The following SMIM27 variants were observed in gnomAD, a reference collection of about 807,000 sequenced individuals.
SMIM27 encodes the protein transition zone microprotein 1.
A neutral mutation model predicts 1.8 loss-of-function variants in SMIM27; 3 were observed. That is an observed-to-expected ratio of 1.65 (90% CI 0.75 to 4.28). The LOEUF (loss-of-function observed/expected upper bound fraction) is 4.28, where lower values mean the gene tolerates loss of function less well. Among genes scored for constraint, SMIM27 ranks in the 30% most tolerant of loss-of-function variants. The pLI, the probability that SMIM27 is intolerant of heterozygous loss-of-function variation, is 0.02. For synonymous variants in SMIM27, 19 were observed against 13.9 expected, an observed-to-expected ratio of 1.37 and a Z score of -0.82; for missense variants, 63 against 37.0, an observed-to-expected ratio of 1.70 and a Z score of -1.83.
downstream of SMIM27, among the ~76,000 whole-genome samples, chr9:32,556,845 A>AC (rs1821469194): frequency 1.1e-5 from 1 of 94,760 alleles, no homozygotes; most frequent in Admixed American, 1.2e-4. Context: ...GAAATCCCCT[A>AC]CTTTTTTTTT....
At chr9:32,561,727 G>C (rs929282213) in intron 1 of SMIM27, among the ~76,000 whole-genome samples, 2 of 152,138 alleles carry the variant, frequency 1.3e-5, no homozygotes, top group Non-Finnish European at 2.9e-5. Context: ...AAATGACTGT[G>C]AACTTTGGTT....
exon 2 of SMIM27, chr9:32,566,772 A>T: frequency 1.1e-6 from 1 of 909,840 alleles, no homozygotes; most frequent in Admixed American, 1.7e-5. Flanking sequence ...GTCGGCTGCG[A>T]CGTTCTGGCT....
chr9:32,566,687 G>GT, exon 2 of SMIM27: 2 of 822,996 alleles, frequency 2.4e-6, no homozygotes, highest in Non-Finnish European at 2.2e-6. Flanking sequence ...TTTCACAGCT[G>GT]TATCTCAGAT....
chr9:32,552,753 G>T (rs1036246891), intron 1 of SMIM27, 48 bp from the exon 2 acceptor site: 10 of 685,768 alleles, frequency 1.5e-5, no homozygotes, highest in Non-Finnish European at 2.7e-5. Context: ...CGGGGGCGAG[G>T]GGAAATATCA....
chr9:32,551,719 G>C (rs1821266859), upstream of SMIM27: 2 of 404,850 alleles, frequency 4.9e-6, no homozygotes, highest in South Asian at 3.4e-5. Flanking sequence ...AAACTGCCGT[G>C]CTCGGGGCTT....
rs1442670318 is a variant in SMIM27, at chr9:32,552,655, G to T, written c.46-146G>T. 8 of 665,272 alleles carry T rather than the reference G, an allele frequency of 1.2e-5. No individual in the cohort carries two copies. The Admixed American group carries it at 1.3e-4, about 11-fold the overall frequency. The allele number at this position is 665,272 out of a possible 1,614,324, so 41.2% of individuals were successfully genotyped here. On this transcript the variant is annotated intron_variant, in intron 1 of 1. Coordinates refer to ENST00000692500, the MANE Select transcript of SMIM27 (RefSeq NM_001387564.1). ...ATACGATCTTCCGCTTCTTACGTAA[G>T]GGCTGCTGGGTGTACCCGCCACTGG...
chr9:32,552,174 C>CAA (rs35415231), upstream of SMIM27: 197 of 496,268 alleles, frequency 4.0e-4, no homozygotes, highest in African/African-American at 1.3e-3. Flanking sequence ...CCTTAGTTGG[C>CAA]AAAAAAAAAA....
chr9:32,556,225 C>T (rs67470713), downstream of SMIM27, among the ~76,000 whole-genome samples: 15,362 of 152,204 alleles, frequency 0.1, 1,004 homozygotes, highest in Middle Eastern at 0.28. Flanking sequence ...ACTCCATGAA[C>T]AGGGGTCTGG....
At chr9:32,560,313 A>C (rs1380537786) in intron 1 of SMIM27, among the ~76,000 whole-genome samples, 2 of 152,204 alleles carry the variant, frequency 1.3e-5, no homozygotes, top group African/African-American at 4.8e-5. Context: ...GAACCCTCAG[A>C]TAAGCAACCA....
chr9:32,559,569 G>A (rs758077854), intron 1 of SMIM27, among the ~76,000 whole-genome samples: 12 of 152,168 alleles, frequency 7.9e-5, no homozygotes, highest in Non-Finnish European at 1.8e-4. Flanking sequence ...AGTCAAGCCT[G>A]CTTGTGCCTC....
chr9:32,556,856 T>C (rs982884819), downstream of SMIM27, among the ~76,000 whole-genome samples: 1 of 141,310 alleles, frequency 7.1e-6, no homozygotes, highest in African/African-American at 2.6e-5. Context: ...CTTTTTTTTT[T>C]TTTTTTTTTT....
downstream of SMIM27, among the ~76,000 whole-genome samples, chr9:32,557,150 G>A (rs1004277922): frequency 1.4e-5 from 2 of 138,454 alleles, no homozygotes; most frequent in South Asian, 2.3e-4. Flanking sequence ...TAGCCACCGC[G>A]CCTGGCCCCC....
downstream of SMIM27, among the ~76,000 whole-genome samples, chr9:32,556,811 A>G (rs909532991): frequency 2.0e-5 from 3 of 150,156 alleles, no homozygotes; most frequent in Admixed American, 1.3e-4. Context: ...ACACACATCA[A>G]TGTTACACAA....
chr9:32,557,242 G>A (rs1184319110), downstream of SMIM27, among the ~76,000 whole-genome samples: 2 of 147,146 alleles, frequency 1.4e-5, no homozygotes, highest in Non-Finnish European at 3.0e-5. Context: ...TCCGCACACT[G>A]CAACTTCTGC....
At chr9:32,561,692 C>T (rs1348264930) in intron 1 of SMIM27, among the ~76,000 whole-genome samples, 1 of 152,174 alleles carries the variant, frequency 6.6e-6, no homozygotes, top group Non-Finnish European at 1.5e-5. Context: ...CTTGTAATTT[C>T]CAAGGCTAGA....
chr9:32,564,580 T>C (rs1233343838), intron 1 of SMIM27, among the ~76,000 whole-genome samples: 1 of 152,188 alleles, frequency 6.6e-6, no homozygotes, highest in East Asian at 1.9e-4. Context: ...TCAAGTATCA[T>C]AAAATACATG....
downstream of SMIM27, among the ~76,000 whole-genome samples, chr9:32,555,552 A>C (rs114424220): frequency 5.0e-3 from 763 of 152,384 alleles, 5 homozygotes; most frequent in African/African-American, 0.017. Context: ...GACTAGAAGT[A>C]AACACATTAG....
upstream of SMIM27, chr9:32,551,458 A>AT (rs1045649830): frequency 1.1e-5 from 3 of 275,344 alleles, no homozygotes; most frequent in Admixed American, 4.6e-5. Flanking sequence ...TCAGAGAGGG[A>AT]TCCCCTCCAG....
chr9:32,551,619 C>A, upstream of SMIM27: 1 of 268,186 alleles, frequency 3.7e-6, no homozygotes, highest in Non-Finnish European at 8.0e-6. Context: ...CGTCTAGAGC[C>A]TAAGCGGCCC....
Sources: gnomAD v4.1 joint callset for allele counts (sites outside exome capture counted in the v4.1 genomes callset) on GRCh38, gnomAD v4.1.1 for gene constraint, MANE v1.5 for transcripts, NCBI Gene and HGNC (gene_info 2026-07-23, HGNC 2026-07-21) for gene names.